CCSER2: variants seen among roughly 807,000 people sequenced by gnomAD.
The protein encoded by CCSER2 is coiled-coil serine rich protein 2.
Under a neutral mutation model 92.3 loss-of-function variants are expected in CCSER2, and 46 were observed. That is an observed-to-expected ratio of 0.50 (90% CI 0.39 to 0.64). The LOEUF (loss-of-function observed/expected upper bound fraction) is 0.64, where lower values mean the gene tolerates loss of function less well. Ranked by LOEUF, CCSER2 falls within the 30% of genes least tolerant of loss-of-function variation. The pLI, the probability that CCSER2 is intolerant of heterozygous loss-of-function variation, is 0.00. For missense variants in CCSER2, 1,244 were observed against 1,238.9 expected (o/e 1.00, Z -0.06); for synonymous variants, 433 against 431.4 (o/e 1.00, Z -0.04).
At chr10:84,433,772 C>CT (rs1053163200) in intron 5 of CCSER2, among the ~76,000 whole-genome samples, 12 of 151,628 alleles carry the variant, frequency 7.9e-5, no homozygotes, top group Admixed American at 2.6e-4. Flanking sequence ...TAGTTTGCAT[C>CT]TTTTTTTTTA....
intron 3 of CCSER2, among the ~76,000 whole-genome samples, chr10:84,408,667 A>T (rs1842489851): frequency 6.6e-6 from 1 of 152,232 alleles, no homozygotes; most frequent in African/African-American, 2.4e-5. Flanking sequence ...AAAGTTTGGC[A>T]TCTTTTTAAC....
At position 84,391,878 on chromosome 10, in the gene CCSER2, T is replaced by C. The variant is rs950572964; in HGVS notation, c.1614+18063T>C. ...GTGTAATCCAAGATTTTATATTTTT[T>C]TGTGATGCTGTTGCATCATGGATTA... On this transcript the variant is annotated intron_variant, in intron 3 of 9. Transcript: ENST00000372088. 2.1e-6 allele frequency: 3 copies of C among 1,423,032 alleles called. No individual in the cohort carries two copies. In the African/African-American group the frequency reaches 4.2e-5, roughly 20 times the overall value. The allele number at this position is 1,423,032 out of a possible 1,614,324, so 88.2% of individuals were successfully genotyped here. A position where few individuals can be genotyped will look rare whatever the true frequency, so the allele number is the denominator to read the frequency against.
intron 1 of CCSER2, among the ~76,000 whole-genome samples, chr10:84,350,226 C>T (rs890823767): frequency 2.6e-5 from 4 of 152,178 alleles, no homozygotes; most frequent in South Asian, 2.1e-4. Flanking sequence ...CTTTCCACTG[C>T]GCCAGAGCAC....
intron 6 of CCSER2, among the ~76,000 whole-genome samples, chr10:84,448,313 T>G (rs527912919): frequency 2.2e-4 from 33 of 152,286 alleles, no homozygotes; most frequent in African/African-American, 7.7e-4. Context: ...GGCTGCTGAT[T>G]ATGCACATAC....
intron 1 of CCSER2, among the ~76,000 whole-genome samples, chr10:84,365,727 A>G (rs1017612700): frequency 1.3e-5 from 2 of 152,154 alleles, no homozygotes; most frequent in Non-Finnish European, 1.5e-5. Context: ...TATTACCCTC[A>G]TCTTAGGCAG....
intron 6 of CCSER2, among the ~76,000 whole-genome samples, chr10:84,457,454 A>T (rs1845803519): frequency 9.0e-6 from 1 of 110,562 alleles, no homozygotes; most frequent in Admixed American, 1.2e-4. Flanking sequence ...TACATATTAT[A>T]AAATATATAA....
At chr10:84,353,063 A>G (rs1263158063) in intron 1 of CCSER2, among the ~76,000 whole-genome samples, 1 of 152,224 alleles carries the variant, frequency 6.6e-6, no homozygotes, top group Non-Finnish European at 1.5e-5. Context: ...AAGTGCTGGG[A>G]TTACGGGCGT....
At chr10:84,405,082 T>C (rs1785069101) in intron 3 of CCSER2, among the ~76,000 whole-genome samples, 1 of 152,100 alleles carries the variant, frequency 6.6e-6, no homozygotes, top group African/African-American at 2.4e-5. Context: ...ATTTTAAAGC[T>C]ACAGCAATCA....
intron 1 of CCSER2, among the ~76,000 whole-genome samples, chr10:84,329,820 T>A (rs2132948420): frequency 6.6e-6 from 1 of 152,356 alleles, no homozygotes; most frequent in African/African-American, 2.4e-5. Flanking sequence ...GAAATCAGTC[T>A]TCTTCCTCTT....
At chr10:84,445,154 C>T (rs1844831824) in intron 6 of CCSER2, among the ~76,000 whole-genome samples, 1 of 152,004 alleles carries the variant, frequency 6.6e-6, no homozygotes, top group Non-Finnish European at 1.5e-5. Flanking sequence ...GGTATCTTGT[C>T]TCTCTCTTTT....
At position 84,328,740 on chromosome 10, in the gene CCSER2, T is replaced by A. The variant is rs905299737; in HGVS notation, c.-108T>A. ...CGGCCCTTCGTCTCACCTTCCGTCC[T>A]CGGGCCCGCAGGTCGCAGGGCGGCC... is the stretch of plus-strand genomic sequence containing the variant. On this transcript the variant is annotated 5_prime_UTR_variant, in exon 1 of 10. Transcript: ENST00000372088. 6.6e-6 allele frequency: 1 copy of A among 151,154 alleles called. No individual in the cohort carries two copies. 9.4% of individuals were successfully genotyped at this position (151,154 alleles called of 1,614,324 possible).
At chr10:84,421,400 A>G (rs1409395449) in intron 4 of CCSER2, among the ~76,000 whole-genome samples, 1 of 152,136 alleles carries the variant, frequency 6.6e-6, no homozygotes, top group Admixed American at 6.5e-5. Flanking sequence ...GCCTCAGGAA[A>G]CTTGCAGTCA....
intron 3 of CCSER2, among the ~76,000 whole-genome samples, chr10:84,407,713 A>G (rs1482534852): frequency 6.6e-6 from 1 of 152,304 alleles, no homozygotes; most frequent in East Asian, 1.9e-4. Flanking sequence ...GTCACTTTTT[A>G]AAACTCTTTA....
intron 3 of CCSER2, among the ~76,000 whole-genome samples, chr10:84,396,849 ATTCTT>A (rs981081412): frequency 2.6e-5 from 4 of 151,952 alleles, no homozygotes; most frequent in Non-Finnish European, 5.9e-5. Context: ...GATCATCCTT[ATTCTT>A]TTTGTACCGC....
intron 3 of CCSER2, among the ~76,000 whole-genome samples, chr10:84,377,518 T>C (rs1260783608): frequency 2.6e-5 from 4 of 152,238 alleles, no homozygotes; most frequent in Non-Finnish European, 5.9e-5. Flanking sequence ...GTCAGTTATA[T>C]GTTATTTTCA....
intron 5 of CCSER2, among the ~76,000 whole-genome samples, chr10:84,435,638 C>CAAAAAAAA (rs5786657): frequency 1.9e-5 from 2 of 106,836 alleles, no homozygotes; most frequent in East Asian, 2.6e-4. Context: ...CCATTCAGTG[C>CAAAAAAAA]AAAAAAAAAA....
At chr10:84,340,657 C>G (rs938947651) in intron 1 of CCSER2, among the ~76,000 whole-genome samples, 3 of 150,126 alleles carry the variant, frequency 2.0e-5, no homozygotes, top group Non-Finnish European at 4.4e-5. Flanking sequence ...TTTGACGTCT[C>G]TATTTGGATG....
At position 84,483,049 on chromosome 10, in the gene CCSER2, G is replaced by T. The variant is rs558015412; in HGVS notation, c.2325+5385G>T. Among the ~76,000 whole-genome samples, 10 of 152,270 alleles carry T rather than the reference G, an allele frequency of 6.6e-5. No individual in the cohort carries two copies. The South Asian group carries it at 1.2e-3, about 19-fold the overall frequency. ...AATCCATGTTACGGTATATATAAAA[G>T]ATATGCATATGTAATTTATATAAGT... On this transcript the variant is annotated intron_variant, in intron 9 of 9. Coordinates refer to ENST00000372088, the MANE Select transcript of CCSER2 (RefSeq NM_001284240.2).
At chr10:84,475,214 G>A (rs963356387) in intron 8 of CCSER2, among the ~76,000 whole-genome samples, 2 of 150,218 alleles carry the variant, frequency 1.3e-5, no homozygotes, top group African/African-American at 5.0e-5. Flanking sequence ...AATCACATTG[G>A]TTCAGACTAA....
Sources: gnomAD v4.1 joint callset for allele counts (sites outside exome capture counted in the v4.1 genomes callset) on GRCh38, gnomAD v4.1.1 for gene constraint, MANE v1.5 for transcripts, NCBI Gene and HGNC (gene_info 2026-07-23, HGNC 2026-07-21) for gene names.